Variants in TBC1D5 observed in about 807,000 individuals in gnomAD.
TBC1D5 encodes TBC1 domain family member 5.
A neutral mutation model predicts 100.3 loss-of-function variants in TBC1D5; 75 were observed. That is an observed-to-expected ratio of 0.75 (90% CI 0.62 to 0.91). TBC1D5 has a LOEUF of 0.91. Among genes scored for constraint, TBC1D5 ranks in the 40% least tolerant of loss-of-function variants. TBC1D5 has a pLI of 0.00. For synonymous variants in TBC1D5, 323 were observed against 325.6 expected (o/e 0.99, Z 0.09); for missense variants, 910 against 942.4 (o/e 0.97, Z 0.45).
At chr3:17,597,911 T>C (rs866549231) in intron 2 of TBC1D5, among the ~76,000 whole-genome samples, 1 of 152,296 alleles carries the variant, frequency 6.6e-6, no homozygotes, top group South Asian at 2.1e-4. Context: ...AGGTAACCTC[T>C]CTTCTATATA....
chr3:17,258,514 A>G (rs1413507272), exon 16 of TBC1D5: 2 of 1,612,026 alleles, frequency 1.2e-6, no homozygotes, highest in Non-Finnish European at 1.7e-6. Flanking sequence ...ACCGGCTTTT[A>G]TTCATGAGGT....
chr3:17,284,428 C>T (rs2080960805), intron 15 of TBC1D5, among the ~76,000 whole-genome samples: 1 of 152,138 alleles, frequency 6.6e-6, no homozygotes, highest in African/African-American at 2.4e-5. Context: ...TATTATTACC[C>T]TATTTGCGCC....
chr3:17,608,843 A>C (rs1459197594), intron 2 of TBC1D5, among the ~76,000 whole-genome samples: 2 of 152,186 alleles, frequency 1.3e-5, no homozygotes, highest in Non-Finnish European at 2.9e-5. Context: ...ATCAGCATAA[A>C]CCAGTCACAA....
chr3:17,674,209 CA>C (rs1383618553), intron 1 of TBC1D5, among the ~76,000 whole-genome samples: 1 of 152,142 alleles, frequency 6.6e-6, no homozygotes, highest in Non-Finnish European at 1.5e-5. Flanking sequence ...ACCTTTCCTG[CA>C]GCCAAATTTC....
chr3:17,527,153 A>C (rs768391545), intron 2 of TBC1D5, among the ~76,000 whole-genome samples: 28 of 152,216 alleles, frequency 1.8e-4, no homozygotes, highest in Non-Finnish European at 3.4e-4. Context: ...TGATATGAAG[A>C]AAATGTAAAG....
intron 3 of TBC1D5, among the ~76,000 whole-genome samples, chr3:17,429,825 T>C (rs1051449097): frequency 1.3e-5 from 2 of 151,908 alleles, no homozygotes; most frequent in African/African-American, 4.8e-5. Flanking sequence ...TGGTGAGATA[T>C]GTGCAGCTGT....
intron 3 of TBC1D5, among the ~76,000 whole-genome samples, chr3:17,447,128 A>T (rs1306818613): frequency 6.6e-6 from 1 of 152,244 alleles, no homozygotes; most frequent in African/African-American, 2.4e-5. Flanking sequence ...ATTTAATTAC[A>T]GAAAGACCAT....
At chr3:17,630,001 G>A (rs2063363848) in intron 1 of TBC1D5, among the ~76,000 whole-genome samples, 1 of 152,124 alleles carries the variant, frequency 6.6e-6, no homozygotes, top group African/African-American at 2.4e-5. Flanking sequence ...GGCAAACAGA[G>A]GAACTGTACC....
chr3:17,201,220 C>T (rs1013140149), intron 18 of TBC1D5, among the ~76,000 whole-genome samples: 2 of 152,092 alleles, frequency 1.3e-5, no homozygotes, highest in Non-Finnish European at 2.9e-5. Flanking sequence ...CCAACTTCAC[C>T]CTCTTTCAGT....
chr3:17,275,526 TAAGAC>T (rs2079890723), intron 15 of TBC1D5, among the ~76,000 whole-genome samples: 8 of 152,028 alleles, frequency 5.3e-5, no homozygotes, highest in Admixed American at 5.2e-4. Context: ...GGCCACAGAG[TAAGAC>T]TCTGTCTCTT....
intron 9 of TBC1D5, among the ~76,000 whole-genome samples, chr3:17,378,849 AG>A (rs1267628086): frequency 1.6e-4 from 25 of 151,888 alleles, no homozygotes; most frequent in Admixed American, 1.5e-3. Flanking sequence ...TTTCTCCAAA[AG>A]AATTACACCA....
At chr3:17,601,607 C>T in intron 2 of TBC1D5, among the ~76,000 whole-genome samples, 1 of 152,154 alleles carries the variant, frequency 6.6e-6, no homozygotes, top group East Asian at 1.9e-4. Flanking sequence ...AATTCCTTAG[C>T]CCATGATACC....
intron 15 of TBC1D5, among the ~76,000 whole-genome samples, chr3:17,262,652 T>G (rs1363036528): frequency 6.6e-6 from 1 of 151,784 alleles, no homozygotes; most frequent in Non-Finnish European, 1.5e-5. Context: ...CAGCTAATTT[T>G]TTGTATTTTT....
chr3:17,330,073 T>A (rs1434006043), intron 13 of TBC1D5, among the ~76,000 whole-genome samples: 1 of 152,046 alleles, frequency 6.6e-6, no homozygotes, highest in African/African-American at 2.4e-5. Context: ...CCCTCACAGT[T>A]CTCAGCCACC....
At chr3:17,254,338 T>C (rs2077437354) in intron 16 of TBC1D5, among the ~76,000 whole-genome samples, 2 of 152,236 alleles carry the variant, frequency 1.3e-5, no homozygotes, top group Non-Finnish European at 2.9e-5. Context: ...CAGGAATACA[T>C]GAGGGTTCTA....
chr3:17,280,022 T>C (rs2080408693), intron 15 of TBC1D5, among the ~76,000 whole-genome samples: 2 of 152,226 alleles, frequency 1.3e-5, no homozygotes, highest in Non-Finnish European at 2.9e-5. Context: ...TGGAGGTAAT[T>C]AGTCACTATT....
chr3:17,446,479 A>G (rs1262416748), intron 3 of TBC1D5, among the ~76,000 whole-genome samples: 1 of 152,112 alleles, frequency 6.6e-6, no homozygotes, highest in Non-Finnish European at 1.5e-5. Flanking sequence ...AAAAAATAGG[A>G]GAGGAGTTTG....
In TBC1D5 at chr3:17,489,525, C is replaced by T. The variant is rs573679001; in HGVS notation, c.97+18949G>A. 2.2e-4 allele frequency among the ~76,000 whole-genome samples: 33 copies of T among 152,280 alleles called. No homozygotes were observed. In the South Asian group the frequency reaches 6.8e-3, roughly 32 times the overall value. On this transcript the variant is annotated intron_variant, in intron 3 of 21. Transcript: ENST00000253692. The stretch of plus-strand genomic sequence containing the variant: ...CTCCACAAGTGTTTGTCATTCCCCT[C>T]CCTGTGTCCATGTGTTCTCATTGTT...
chr3:17,443,822 G>C (rs2094720090), intron 3 of TBC1D5, among the ~76,000 whole-genome samples: 1 of 152,006 alleles, frequency 6.6e-6, no homozygotes, highest in Non-Finnish European at 1.5e-5. Context: ...CAGCGGAATG[G>C]GACAGTGAAC....
Sources: allele counts gnomAD v4.1 joint callset (sites outside exome capture counted in the v4.1 genomes callset), GRCh38; gene constraint gnomAD v4.1.1; transcripts MANE v1.5; gene names NCBI Gene and HGNC (gene_info 2026-07-23, HGNC 2026-07-21).